RERG: variants seen among roughly 807,000 people sequenced by gnomAD.
RERG encodes RAS like estrogen regulated growth inhibitor.
RERG carries 25 observed loss-of-function variants against 23.2 expected under a neutral mutation model. The ratio of observed to expected loss-of-function variants is 1.08; its 90% confidence interval spans 0.79 to 1.50. RERG has a LOEUF of 1.50. RERG is among the 40% of genes most tolerant of loss of function. The pLI is 0.00. For missense variants in RERG, 253 were observed against 250.1 expected (o/e 1.01, Z -0.08); for synonymous variants, 81 against 89.1 (o/e 0.91, Z 0.51).
At chr12:15,186,966 TTTC>T (rs1389602708) in intron 2 of RERG, among the ~76,000 whole-genome samples, 3 of 152,260 alleles carry the variant, frequency 2.0e-5, no homozygotes, top group South Asian at 2.1e-4. Context: ...TTTTCCTCTT[TTTC>T]TTCTTATTAG....
At chr12:15,167,317 C>T (rs1024735689) in intron 2 of RERG, among the ~76,000 whole-genome samples, 6 of 152,156 alleles carry the variant, frequency 3.9e-5, no homozygotes, top group African/African-American at 1.2e-4. Context: ...GATTTAGGTT[C>T]TGCATCAGAA....
At chr12:15,184,445 A>C (rs1025163093) in intron 2 of RERG, among the ~76,000 whole-genome samples, 2 of 152,186 alleles carry the variant, frequency 1.3e-5, no homozygotes, top group African/African-American at 4.8e-5. Context: ...AAAAAAAAGA[A>C]ATATGATGAG....
chr12:15,114,262 G>T (rs892220839), intron 3 of RERG, among the ~76,000 whole-genome samples: 2 of 149,714 alleles, frequency 1.3e-5, no homozygotes, highest in East Asian at 1.9e-4. Flanking sequence ...AAAATAAAAG[G>T]GTTGACTACA....
At chr12:15,120,152 C>G (rs1250707365) in intron 3 of RERG, among the ~76,000 whole-genome samples, 1 of 152,120 alleles carries the variant, frequency 6.6e-6, no homozygotes, top group Admixed American at 6.6e-5. Flanking sequence ...TCACCTTGTA[C>G]TTCTTACTAA....
intron 2 of RERG, among the ~76,000 whole-genome samples, chr12:15,196,216 T>C (rs1213565684): frequency 3.3e-5 from 5 of 152,156 alleles, no homozygotes; most frequent in African/African-American, 1.2e-4. Context: ...TCAGGTAATA[T>C]CTATAGATAC....
chr12:15,199,596 TAA>T (rs1055741864), intron 2 of RERG, among the ~76,000 whole-genome samples: 2 of 152,050 alleles, frequency 1.3e-5, no homozygotes, highest in Non-Finnish European at 2.9e-5. Flanking sequence ...CTTTTAAATC[TAA>T]AAAACATCAA....
chr12:15,215,740 G>A (rs1865432342), intron 2 of RERG, among the ~76,000 whole-genome samples: 1 of 152,104 alleles, frequency 6.6e-6, no homozygotes, highest in South Asian at 2.1e-4. Flanking sequence ...ATGGTCAGGT[G>A]AGAATGAGAG....
At chr12:15,121,153 A>C (rs201996283) in intron 2 of RERG, 34 bp from the exon 3 acceptor site, 2 of 1,555,390 alleles carry the variant, frequency 1.3e-6, no homozygotes, top group East Asian at 4.5e-5. Flanking sequence ...TCAAAAAATA[A>C]TTTGTTAATT....
At chr12:15,163,641 T>C (rs1322851739) in intron 2 of RERG, among the ~76,000 whole-genome samples, 1 of 152,108 alleles carries the variant, frequency 6.6e-6, no homozygotes, top group Non-Finnish European at 1.5e-5. Context: ...TCCAAAATGA[T>C]GAAAAACCTG....
At chr12:15,125,585 A>C (rs946323532) in intron 2 of RERG, among the ~76,000 whole-genome samples, 13 of 152,062 alleles carry the variant, frequency 8.5e-5, no homozygotes, top group African/African-American at 2.9e-4. Flanking sequence ...TTGTAAAATC[A>C]ACACTAAATT....
intron 2 of RERG, among the ~76,000 whole-genome samples, chr12:15,174,707 C>A (rs531437716): frequency 2.0e-5 from 3 of 150,246 alleles, no homozygotes; most frequent in African/African-American, 7.3e-5. Context: ...TTAAAGTTCA[C>A]CATTTTTTTT....
intron 2 of RERG, among the ~76,000 whole-genome samples, chr12:15,213,932 G>A (rs1264108602): frequency 6.6e-6 from 1 of 151,838 alleles, no homozygotes; most frequent in Non-Finnish European, 1.5e-5. Flanking sequence ...ATGATCATCT[G>A]TGGTCAAGCT....
intron 2 of RERG, among the ~76,000 whole-genome samples, chr12:15,189,209 T>C (rs778503461): frequency 6.6e-6 from 1 of 152,204 alleles, no homozygotes; most frequent in African/African-American, 2.4e-5. Context: ...AATATTCCAA[T>C]GGTTTTTCAT....
At chr12:15,207,437 AAAACAAAC>A (rs542174506) in intron 2 of RERG, among the ~76,000 whole-genome samples, 7 of 152,242 alleles carry the variant, frequency 4.6e-5, no homozygotes, top group South Asian at 2.1e-4. Context: ...GCATACGTTA[AAAACAAAC>A]AAACAAACAA....
chr12:15,204,505 G>A (rs904829620), intron 2 of RERG, among the ~76,000 whole-genome samples: 2 of 151,672 alleles, frequency 1.3e-5, no homozygotes, highest in African/African-American at 4.8e-5. Flanking sequence ...TCATGACACT[G>A]GTCTTTTTCT....
At chr12:15,197,623 A>G (rs1865162179) in intron 2 of RERG, among the ~76,000 whole-genome samples, 1 of 152,224 alleles carries the variant, frequency 6.6e-6, no homozygotes, top group South Asian at 2.1e-4. Context: ...CAAATAAAAT[A>G]GTCGGTAGAG....
chr12:15,162,923 G>A (rs532924837), intron 2 of RERG, among the ~76,000 whole-genome samples: 37 of 152,160 alleles, frequency 2.4e-4, no homozygotes, highest in Non-Finnish European at 3.1e-4. Flanking sequence ...TTTATATTAT[G>A]AAGAGTTTCC....
intron 2 of RERG, among the ~76,000 whole-genome samples, chr12:15,215,291 AGT>A (rs1363444116): frequency 6.6e-6 from 1 of 152,176 alleles, no homozygotes; most frequent in Non-Finnish European, 1.5e-5. Flanking sequence ...TTCTAGGGGC[AGT>A]GTATGGAGTA....
At chr12:15,203,656 G>A (rs765848558) in intron 2 of RERG, among the ~76,000 whole-genome samples, 1 of 151,524 alleles carries the variant, frequency 6.6e-6, no homozygotes, top group Non-Finnish European at 1.5e-5. Context: ...GATCTTATAA[G>A]TAGCAAACCC....
Sources: gnomAD v4.1 joint callset for allele counts (sites outside exome capture counted in the v4.1 genomes callset) on GRCh38, gnomAD v4.1.1 for gene constraint, MANE v1.5 for transcripts, NCBI Gene and HGNC (gene_info 2026-07-23, HGNC 2026-07-21) for gene names.